Variants in FGF14 observed in about 807,000 individuals in gnomAD.
FGF14 encodes fibroblast growth factor homologous factor 4.
In FGF14, 5 loss-of-function variants were observed where a neutral mutation model predicts 25.5. The ratio of observed to expected loss-of-function variants is 0.20; its 90% CI spans 0.10 to 0.41. The LOEUF is 0.41. FGF14 is among the 10% of genes least tolerant of loss of function. The pLI is 1.00. For missense variants in FGF14, 222 were observed against 320.1 expected (o/e 0.69, Z 2.34); for synonymous variants, 138 against 118.3 (o/e 1.17, Z -1.08).
At chr13:102,189,034 GAA>G (rs1231190345) in intron 1 of FGF14, among the ~76,000 whole-genome samples, 145 of 71,986 alleles carry the variant, frequency 2.0e-3, no homozygotes, top group Non-Finnish European at 3.3e-3. Context: ...AGAAAAGAAA[GAA>G]AGAAAGAGAA....
At chr13:101,875,366 CTCTT>C in intron 1 of FGF14, 70 bp from the exon 2 acceptor site, 2 of 1,092,576 alleles carry the variant, frequency 1.8e-6, no homozygotes, top group South Asian at 1.3e-5. Flanking sequence ...TTTTCTGTTT[CTCTT>C]TCTTTTTTCA....
At chr13:102,188,991 AGAAAGAAAGAAAGAAAGAGAAAGAAT>A (rs2048993353) in intron 1 of FGF14, among the ~76,000 whole-genome samples, 1 of 62,842 alleles carries the variant, frequency 1.6e-5, no homozygotes, top group East Asian at 3.9e-4. Flanking sequence ...AAAGAAAGAA[AGAAAGAAAGAAAGAAAGAGAAAGAAT>A]GAAAGAAGAA....
intron 3 of FGF14, among the ~76,000 whole-genome samples, chr13:101,800,472 G>T (rs1212483642): frequency 6.6e-6 from 1 of 151,972 alleles, no homozygotes; most frequent in African/African-American, 2.4e-5. Context: ...AAACCAAAAG[G>T]GACTTATCCA....
chr13:102,383,923 C>A (rs1232110419), intron 1 of FGF14, among the ~76,000 whole-genome samples: 1 of 152,010 alleles, frequency 6.6e-6, no homozygotes. Flanking sequence ...ATTTTAATAT[C>A]TTTTTTAAAA....
intron 1 of FGF14, chr13:102,292,368 A>G (rs2054469079): frequency 6.6e-6 from 1 of 152,002 alleles, no homozygotes; most frequent in South Asian, 2.1e-4. Context: ...TTGAGGATAA[A>G]TCTTTCAGGA....
At chr13:101,818,265 A>G (rs2041939302) in intron 3 of FGF14, among the ~76,000 whole-genome samples, 1 of 152,218 alleles carries the variant, frequency 6.6e-6, no homozygotes, top group South Asian at 2.1e-4. Context: ...GAATATTTCT[A>G]GACCAAACTC....
intron 1 of FGF14, among the ~76,000 whole-genome samples, chr13:102,191,134 A>T (rs1048260557): frequency 6.6e-6 from 1 of 152,208 alleles, no homozygotes; most frequent in Non-Finnish European, 1.5e-5. Flanking sequence ...GGACTCAGAG[A>T]TAACTCCTTG....
At chr13:102,053,246 G>A (rs913069341) in intron 1 of FGF14, among the ~76,000 whole-genome samples, 13 of 151,978 alleles carry the variant, frequency 8.6e-5, no homozygotes, top group Admixed American at 5.2e-4. Flanking sequence ...ATCAAAAGAC[G>A]TAGAGTGGCT....
chr13:102,243,326 C>A (rs950395139), intron 1 of FGF14, among the ~76,000 whole-genome samples: 1 of 152,080 alleles, frequency 6.6e-6, no homozygotes, highest in Non-Finnish European at 1.5e-5. Context: ...CCAAATTCTG[C>A]CTTTTAATGC....
At chr13:102,083,798 C>T (rs1048925983) in intron 1 of FGF14, among the ~76,000 whole-genome samples, 1 of 152,220 alleles carries the variant, frequency 6.6e-6, no homozygotes, top group African/African-American at 2.4e-5. Flanking sequence ...GTCACAGTCA[C>T]TCATTGACTC....
intron 1 of FGF14, among the ~76,000 whole-genome samples, chr13:102,305,750 C>T (rs2055338699): frequency 1.3e-5 from 2 of 152,162 alleles, no homozygotes; most frequent in South Asian, 4.1e-4. Flanking sequence ...AGTGAACCCA[C>T]ATTGTCAACT....
intron 3 of FGF14, among the ~76,000 whole-genome samples, chr13:101,778,440 A>T (rs1026170044): frequency 1.3e-5 from 2 of 152,146 alleles, no homozygotes; most frequent in Admixed American, 6.5e-5. Flanking sequence ...GCCTTGCCTC[A>T]GTCTGCAGCT....
At chr13:102,377,471 AAT>A in intron 1 of FGF14, among the ~76,000 whole-genome samples, 1 of 152,226 alleles carries the variant, frequency 6.6e-6, no homozygotes, top group East Asian at 1.9e-4. Context: ...ACACATGACT[AAT>A]ATTAGAGTAC....
At chr13:102,137,100 A>G (rs1594104577) in intron 1 of FGF14, among the ~76,000 whole-genome samples, 1 of 152,292 alleles carries the variant, frequency 6.6e-6, no homozygotes, top group Admixed American at 6.5e-5. Flanking sequence ...TGGTTGCTTC[A>G]TTATGCTCTT....
Position 102,161,655 on chromosome 13 carries a change from GAAGAAGAAGAAGAA to G in FGF14, c.208+239802_208+239815del, listed in dbSNP as rs2047737706. Among the ~76,000 whole-genome samples, 3 of 19,286 alleles carry G rather than the reference GAAGAAGAAGAAGAA, an allele frequency of 1.6e-4. 1 individual carries two copies. Among genetic ancestry groups the G allele is most frequent in the African/African-American group, 6.1e-4 (3 of 4,908 alleles). The allele number at this position is 19,286 out of a possible 152,430, so 12.7% of individuals were successfully genotyped here. ...AGAAGAAGAAGAAGAAGAAGAAGAA[GAAGAAGAAGAAGAA>G]GAAGAAGAAGAAGAAGAAGAAGAAG... On this transcript the variant is annotated intron_variant, in intron 1 of 4. Coordinates refer to the FGF14 transcript ENST00000376131.
intron 1 of FGF14, among the ~76,000 whole-genome samples, chr13:102,334,996 T>C (rs1238563929): frequency 1.3e-5 from 2 of 152,136 alleles, no homozygotes; most frequent in Non-Finnish European, 2.9e-5. Context: ...CTTAGAGTCA[T>C]TGTCACATCT....
intron 1 of FGF14, among the ~76,000 whole-genome samples, chr13:101,915,660 C>G (rs1330351933): frequency 6.6e-6 from 1 of 152,160 alleles, no homozygotes; most frequent in Non-Finnish European, 1.5e-5. Flanking sequence ...CAAAGAAATA[C>G]CTGTAGTAAG....
chr13:102,301,125 G>T (rs951762977), intron 1 of FGF14, among the ~76,000 whole-genome samples: 1 of 152,102 alleles, frequency 6.6e-6, no homozygotes, highest in Middle Eastern at 3.2e-3. Flanking sequence ...AATGTAAACA[G>T]TCAAATGAAA....
intron 1 of FGF14, among the ~76,000 whole-genome samples, chr13:102,161,570 A>AAGAAGAAGAAGAAAGAAG: frequency 5.3e-4 from 3 of 5,656 alleles, no homozygotes; most frequent in Middle Eastern, 0.056. Flanking sequence ...TTCTGTGAAG[A>AAGAAGAAGAAGAAAGAAG]AAGAAAGAAG....
Sources: allele counts gnomAD v4.1 joint callset (sites outside exome capture counted in the v4.1 genomes callset), GRCh38; gene constraint gnomAD v4.1.1; transcripts MANE v1.5; gene names NCBI Gene and HGNC (gene_info 2026-07-23, HGNC 2026-07-21).